Variants in ZNF385D observed in about 807,000 individuals in gnomAD.
ZNF385D encodes zinc finger protein 385D.
A neutral mutation model predicts 35.8 loss-of-function variants in ZNF385D; 15 were observed. The ratio of observed to expected loss-of-function variants is 0.42; its 90% CI spans 0.28 to 0.64. The LOEUF is 0.64. Among genes scored for constraint, ZNF385D ranks in the 30% least tolerant of loss-of-function variants. ZNF385D has a pLI of 0.23. For missense variants in ZNF385D, 474 were observed against 494.6 expected (o/e 0.96, Z 0.39); for synonymous variants, 212 against 186.8 (o/e 1.13, Z -1.10).
chr3:21,833,744 T>G (rs1356260313), intron 3 of ZNF385D, among the ~76,000 whole-genome samples: 2 of 152,174 alleles, frequency 1.3e-5, no homozygotes, highest in African/African-American at 4.8e-5. Flanking sequence ...AACTTAGAAA[T>G]GAAGGACAAT....
At chr3:21,515,666 G>A (rs150101709) in intron 3 of ZNF385D, among the ~76,000 whole-genome samples, 110 of 152,270 alleles carry the variant, frequency 7.2e-4, no homozygotes, top group Non-Finnish European at 1.1e-3. Context: ...ATTCCTGGGC[G>A]TGGGCCAAGC....
At chr3:22,348,256 C>T (rs951539300) in intron 2 of ZNF385D, among the ~76,000 whole-genome samples, 3 of 151,934 alleles carry the variant, frequency 2.0e-5, no homozygotes, top group Non-Finnish European at 4.4e-5. Context: ...AACCCATTAC[C>T]TCAGAATGTG....
Position 22,276,512 on chromosome 3 carries a change from A to G in ZNF385D, c.106+95938T>C, listed in dbSNP as rs557259812. On this transcript the variant is annotated intron_variant, in intron 2 of 5. Transcript: ENST00000494108. ...CCATAGAAGCTCAAGCAATGCACCT[A>G]AAGGTGCTAAGACAAGTTTTATACT... is the stretch of plus-strand genomic sequence containing the variant. Among the ~76,000 whole-genome samples the G allele has an allele frequency of 2.6e-5, 4 of 152,266 alleles. No individual in the cohort carries two copies. In the South Asian group the frequency reaches 8.3e-4, roughly 32 times the overall value.
chr3:22,079,877 C>T (rs1700659129), intron 3 of ZNF385D, among the ~76,000 whole-genome samples: 1 of 151,428 alleles, frequency 6.6e-6, no homozygotes, highest in African/African-American at 2.4e-5. Flanking sequence ...AATTTAGGTC[C>T]TTAGAGATTC....
intron 3 of ZNF385D, among the ~76,000 whole-genome samples, chr3:22,136,066 C>G (rs10049378): frequency 0.021 from 3,259 of 152,150 alleles, 118 homozygotes; most frequent in African/African-American, 0.075. Context: ...GTGAAGGGAT[C>G]TAAGACATGA....
chr3:22,145,538 T>A (rs1049678271), intron 3 of ZNF385D, among the ~76,000 whole-genome samples: 5 of 152,318 alleles, frequency 3.3e-5, no homozygotes, highest in Admixed American at 2.6e-4. Context: ...AATACTATTT[T>A]TTCCCATCCC....
chr3:22,265,191 A>G (rs137889113), intron 2 of ZNF385D, among the ~76,000 whole-genome samples: 1 of 151,926 alleles, frequency 6.6e-6, no homozygotes, highest in Non-Finnish European at 1.5e-5. Context: ...CATCAGAAAG[A>G]TATACAAAAA....
chr3:22,067,031 A>G (rs1037196255), intron 3 of ZNF385D, among the ~76,000 whole-genome samples: 3 of 152,212 alleles, frequency 2.0e-5, no homozygotes, highest in Non-Finnish European at 4.4e-5. Context: ...ACTATAAAGA[A>G]GCGATCTTCT....
chr3:22,188,447 G>C (rs1695788638), intron 2 of ZNF385D, among the ~76,000 whole-genome samples: 1 of 132,162 alleles, frequency 7.6e-6, no homozygotes, highest in Non-Finnish European at 1.6e-5. Flanking sequence ...AAATACGTGT[G>C]TATACTATTT....
chr3:22,019,034 C>CTTTTT (rs11380195), intron 3 of ZNF385D, among the ~76,000 whole-genome samples: 848 of 64,412 alleles, frequency 0.013, 117 homozygotes, highest in African/African-American at 0.019. Context: ...AGTTATTTAC[C>CTTTTT]TTTTTTTTTT....
At chr3:22,237,495 T>G (rs1699252606) in intron 2 of ZNF385D, among the ~76,000 whole-genome samples, 1 of 152,220 alleles carries the variant, frequency 6.6e-6, no homozygotes, top group East Asian at 1.9e-4. Flanking sequence ...ACAGATGTTT[T>G]AATTTTTATG....
chr3:21,813,301 G>T (rs896863247), intron 3 of ZNF385D, among the ~76,000 whole-genome samples: 4 of 152,182 alleles, frequency 2.6e-5, no homozygotes, highest in Non-Finnish European at 4.4e-5. Flanking sequence ...CTCCTCTAAA[G>T]GAACACAGCT....
chr3:21,944,975 C>T (rs1033261313), intron 3 of ZNF385D, among the ~76,000 whole-genome samples: 6 of 151,878 alleles, frequency 4.0e-5, no homozygotes, highest in Non-Finnish European at 8.8e-5. Context: ...ATTACAAATT[C>T]CCTATCAATA....
At chr3:22,129,730 T>C (rs1445683623) in intron 3 of ZNF385D, among the ~76,000 whole-genome samples, 1 of 152,068 alleles carries the variant, frequency 6.6e-6, no homozygotes, top group East Asian at 1.9e-4. Flanking sequence ...GGTAACAGGC[T>C]TCCTTCTGGC....
intron 2 of ZNF385D, among the ~76,000 whole-genome samples, chr3:22,176,821 T>C (rs974669432): frequency 2.0e-5 from 3 of 152,114 alleles, no homozygotes; most frequent in Admixed American, 1.3e-4. Flanking sequence ...TGGGAGCCCA[T>C]AGTTTAACCT....
At chr3:22,271,247 A>T (rs1250550964) in intron 2 of ZNF385D, among the ~76,000 whole-genome samples, 1 of 151,856 alleles carries the variant, frequency 6.6e-6, no homozygotes, top group East Asian at 1.9e-4. Context: ...TCTTCATAGC[A>T]GAAAAAAGGA....
chr3:21,814,732 T>C (rs1433620298), intron 3 of ZNF385D, among the ~76,000 whole-genome samples: 2 of 152,086 alleles, frequency 1.3e-5, no homozygotes, highest in Admixed American at 6.6e-5. Context: ...AAAATAATAA[T>C]GGGAGACTTT....
At chr3:21,806,662 G>C (rs2072664273) in intron 3 of ZNF385D, among the ~76,000 whole-genome samples, 1 of 152,084 alleles carries the variant, frequency 6.6e-6, no homozygotes, top group Non-Finnish European at 1.5e-5. Flanking sequence ...GCCAGTACAA[G>C]AAAACATATG....
chr3:21,757,428 C>T (rs2070395270), intron 3 of ZNF385D, among the ~76,000 whole-genome samples: 1 of 152,128 alleles, frequency 6.6e-6, no homozygotes, highest in Non-Finnish European at 1.5e-5. Context: ...CAGGCGTGAG[C>T]CACCACACCT....
Sources: allele counts gnomAD v4.1 joint callset (sites outside exome capture counted in the v4.1 genomes callset), GRCh38; gene constraint gnomAD v4.1.1; transcripts MANE v1.5; gene names NCBI Gene and HGNC (gene_info 2026-07-23, HGNC 2026-07-21).